The following ZMAT4 variants were observed in gnomAD, a reference collection of about 807,000 sequenced individuals.
ZMAT4 encodes the protein zinc finger matrin-type 4, also known as zinc finger matrin-type protein 4.
Under a neutral mutation model 28.7 loss-of-function variants are expected in ZMAT4, and 17 were observed. That is an observed-to-expected ratio of 0.59 (90% CI 0.41 to 0.89). The LOEUF is 0.89. Ranked by LOEUF, ZMAT4 falls within the 40% of genes least tolerant of loss-of-function variation. The pLI is 0.00. For synonymous variants in ZMAT4, 117 were observed against 109.2 expected, an observed-to-expected ratio of 1.07 and a Z score of -0.44; for missense variants, 240 against 283.8, an observed-to-expected ratio of 0.85 and a Z score of 1.11.
At chr8:40,850,608 T>C (rs940249341) in intron 1 of ZMAT4, among the ~76,000 whole-genome samples, 3 of 152,268 alleles carry the variant, frequency 2.0e-5, no homozygotes, top group African/African-American at 7.2e-5. Flanking sequence ...TGGAAAACAT[T>C]TGTGGGCTGG....
intron 4 of ZMAT4, among the ~76,000 whole-genome samples, chr8:40,683,709 C>A (rs939961976): frequency 6.6e-6 from 1 of 152,194 alleles, no homozygotes; most frequent in South Asian, 2.1e-4. Flanking sequence ...CAAACACATT[C>A]ATTAGTGTAG....
At chr8:40,633,401 CAG>C (rs1563376847) in intron 5 of ZMAT4, among the ~76,000 whole-genome samples, 2 of 152,128 alleles carry the variant, frequency 1.3e-5, no homozygotes, top group African/African-American at 4.8e-5. Context: ...GATGTGATGG[CAG>C]AGAGAGGATA....
chr8:40,615,086 G>A (rs1301377339), intron 5 of ZMAT4, among the ~76,000 whole-genome samples: 2 of 152,068 alleles, frequency 1.3e-5, no homozygotes, highest in Non-Finnish European at 2.9e-5. Flanking sequence ...TCCATGTTTA[G>A]TGTTTCCTTC....
intron 1 of ZMAT4, among the ~76,000 whole-genome samples, chr8:40,836,992 A>C (rs1816516912): frequency 6.6e-6 from 1 of 152,264 alleles, no homozygotes; most frequent in South Asian, 2.1e-4. Context: ...ATACATACAT[A>C]GACAAATAAT....
intron 1 of ZMAT4, among the ~76,000 whole-genome samples, chr8:40,862,524 A>G (rs1195707062): frequency 6.7e-6 from 1 of 148,904 alleles, no homozygotes; most frequent in African/African-American, 2.5e-5. Context: ...TACATATGTA[A>G]CTAACCTGCA....
At chr8:40,780,156 CG>C (rs1176605513) in intron 2 of ZMAT4, among the ~76,000 whole-genome samples, 1 of 152,146 alleles carries the variant, frequency 6.6e-6, no homozygotes, top group Non-Finnish European at 1.5e-5. Context: ...CATAAGCCTG[CG>C]GTAAACTGAA....
chr8:40,673,865 C>A (rs773748366), intron 5 of ZMAT4, among the ~76,000 whole-genome samples: 4 of 152,088 alleles, frequency 2.6e-5, no homozygotes, highest in African/African-American at 7.2e-5. Flanking sequence ...GTCAAGAAAA[C>A]CCTGTCTGGG....
intron 5 of ZMAT4, among the ~76,000 whole-genome samples, chr8:40,653,789 A>T (rs1305292549): frequency 1.3e-5 from 2 of 152,222 alleles, no homozygotes; most frequent in African/African-American, 4.8e-5. Flanking sequence ...TTTCATACAA[A>T]AAAAGAGTCA....
intron 1 of ZMAT4, among the ~76,000 whole-genome samples, chr8:40,828,085 C>A (rs186847844): frequency 6.6e-6 from 1 of 152,110 alleles, no homozygotes; most frequent in Non-Finnish European, 1.5e-5. Flanking sequence ...GCGGGCACTC[C>A]GGAGATGGTC....
At chr8:40,561,838 A>C (rs1036465780) in intron 6 of ZMAT4, among the ~76,000 whole-genome samples, 7 of 152,110 alleles carry the variant, frequency 4.6e-5, no homozygotes, top group Admixed American at 3.3e-4. Context: ...GGCCCAAGAC[A>C]ATTTTTCTTC....
chr8:40,833,859 C>T (rs539430429), intron 1 of ZMAT4, among the ~76,000 whole-genome samples: 33 of 152,236 alleles, frequency 2.2e-4, no homozygotes, highest in African/African-American at 7.5e-4. Flanking sequence ...CCTGATGTTG[C>T]TCAGATAAAG....
At chr8:40,770,509 C>T (rs1231130521) in intron 2 of ZMAT4, among the ~76,000 whole-genome samples, 2 of 150,924 alleles carry the variant, frequency 1.3e-5, no homozygotes, top group Non-Finnish European at 3.0e-5. Context: ...TCCTTCCCTC[C>T]CTCCCTCCCT....
At chr8:40,682,125 A>G (rs1809195311) in intron 4 of ZMAT4, among the ~76,000 whole-genome samples, 1 of 152,168 alleles carries the variant, frequency 6.6e-6, no homozygotes, top group African/African-American at 2.4e-5. Context: ...AATATGGGTG[A>G]TCTGCTTTGT....
At chr8:40,591,316 C>T (rs1313383130) in intron 5 of ZMAT4, among the ~76,000 whole-genome samples, 1 of 152,156 alleles carries the variant, frequency 6.6e-6, no homozygotes, top group Non-Finnish European at 1.5e-5. Context: ...GCTGTCTCAC[C>T]TTCATGCATG....
intron 1 of ZMAT4, among the ~76,000 whole-genome samples, chr8:40,830,647 G>A (rs1226755875): frequency 6.6e-6 from 1 of 152,212 alleles, no homozygotes. Flanking sequence ...ACATGTAAGT[G>A]CAGGTGTCTT....
chr8:40,744,929 G>A (rs903165190), intron 3 of ZMAT4, among the ~76,000 whole-genome samples: 14 of 152,160 alleles, frequency 9.2e-5, no homozygotes, highest in African/African-American at 2.9e-4. Context: ...AGAGAGGATG[G>A]GCCCAAGTTC....
At chr8:40,598,424 C>T (rs1484042226) in intron 5 of ZMAT4, among the ~76,000 whole-genome samples, 11 of 152,142 alleles carry the variant, frequency 7.2e-5, no homozygotes, top group Admixed American at 2.0e-4. Flanking sequence ...CCTGTATTCT[C>T]ATTGTTCAAC....
chr8:40,729,577 G>A (rs1012951418), intron 3 of ZMAT4, among the ~76,000 whole-genome samples: 1 of 139,136 alleles, frequency 7.2e-6, no homozygotes, highest in African/African-American at 2.6e-5. Flanking sequence ...TGCTTTCTTT[G>A]TATACTTCTT....
At position 40,891,727 on chromosome 8, in the gene ZMAT4, C is replaced by A. The variant is rs369573093; in HGVS notation, c.-5+5956G>T. 5.9e-5 allele frequency among the ~76,000 whole-genome samples: 9 copies of A among 152,148 alleles called. No homozygotes were observed. The East Asian group carries it at 9.7e-4, about 16-fold the overall frequency. On this transcript the variant is annotated intron_variant, in intron 1 of 6. Coordinates refer to ENST00000297737, the MANE Select transcript of ZMAT4 (RefSeq NM_024645.3). ...CTACCTCCGTGCTGGGCACAAAGGCCCAGGATGCCTTTGTTAGCACAGGGA... is the reference window on the plus strand; with the variant it reads ...CTACCTCCGTGCTGGGCACAAAGGCACAGGATGCCTTTGTTAGCACAGGGA...
Sources: gnomAD v4.1 joint callset for allele counts (sites outside exome capture counted in the v4.1 genomes callset) on GRCh38, gnomAD v4.1.1 for gene constraint, MANE v1.5 for transcripts, NCBI Gene and HGNC (gene_info 2026-07-23, HGNC 2026-07-21) for gene names.